Variants in FRYL observed in about 807,000 individuals in gnomAD.
FRYL encodes FRY like transcription coactivator.
A neutral mutation model predicts 351.2 loss-of-function variants in FRYL; 150 were observed. The observed-to-expected ratio is 0.43, with a 90% CI of 0.37 to 0.49. The LOEUF (loss-of-function observed/expected upper bound fraction) is 0.49. Ranked by LOEUF, FRYL falls within the 20% of genes least tolerant of loss-of-function variation. The pLI, the probability that FRYL is intolerant of heterozygous loss-of-function variation, is 0.00. For synonymous variants in FRYL, 1,153 were observed against 1,257.1 expected (o/e 0.92, Z 1.75); for missense variants, 3,036 against 3,619.3 (o/e 0.84, Z 4.13).
intron 53 of FRYL, chr4:48,523,358 G>A (rs1725304366): frequency 2.6e-6 from 1 of 386,394 alleles, no homozygotes; most frequent in Non-Finnish European, 4.7e-6. Context: ...TTGTATTACT[G>A]GGGACCAAGT....
intron 13 of FRYL, among the ~76,000 whole-genome samples, chr4:48,597,000 T>G (rs1335635505): frequency 6.6e-6 from 1 of 152,148 alleles, no homozygotes; most frequent in East Asian, 1.9e-4. Flanking sequence ...TCAGTTACTG[T>G]GCTCATTAGA....
At chr4:48,581,203 G>T (rs1379627575) in intron 21 of FRYL, among the ~76,000 whole-genome samples, 2 of 151,916 alleles carry the variant, frequency 1.3e-5, no homozygotes, top group Non-Finnish European at 2.9e-5. Context: ...ACCACGCCCG[G>T]CTAATTTTTT....
chr4:48,739,882 T>C (rs1408037764), intron 1 of FRYL, among the ~76,000 whole-genome samples: 1 of 152,172 alleles, frequency 6.6e-6, no homozygotes, highest in African/African-American at 2.4e-5. Flanking sequence ...TGGGTTATCA[T>C]GGGAACAGAA....
At chr4:48,586,794 G>A in intron 18 of FRYL, 66 bp from the exon 19 acceptor site, 1 of 1,063,876 alleles carries the variant, frequency 9.4e-7, no homozygotes, top group Non-Finnish European at 1.4e-6. Flanking sequence ...ATCAAACTTG[G>A]AAAAATAACT....
intron 59 of FRYL, chr4:48,505,905 A>G (rs972484613): frequency 1.7e-5 from 5 of 290,356 alleles, no homozygotes; most frequent in Non-Finnish European, 2.6e-5. Context: ...TTCATTTTGC[A>G]GGTTTTATGA....
intron 8 of FRYL, among the ~76,000 whole-genome samples, chr4:48,609,469 A>T (rs1280872146): frequency 6.6e-6 from 1 of 152,126 alleles, no homozygotes; most frequent in Non-Finnish European, 1.5e-5. Context: ...AAAAAATACA[A>T]AAATTAGCTG....
At chr4:48,647,411 T>C (rs1192011623) in intron 3 of FRYL, among the ~76,000 whole-genome samples, 1 of 152,358 alleles carries the variant, frequency 6.6e-6, no homozygotes, top group South Asian at 2.1e-4. Flanking sequence ...CTCAGTCACC[T>C]GGCCCATTTG....
intron 54 of FRYL, among the ~76,000 whole-genome samples, chr4:48,521,767 TTAGCAGCAGCGGTTGGTC>T (rs1401301499): frequency 6.6e-6 from 1 of 152,174 alleles, no homozygotes; most frequent in African/African-American, 2.4e-5. Flanking sequence ...ATGGCTGCCA[TTAGCAGCAGCGGTTGGTC>T]ATTGAACACT....
At chr4:48,506,533 C>CT (rs1720961578) in intron 59 of FRYL, 1 of 148,426 alleles carries the variant, frequency 6.7e-6, no homozygotes, top group Admixed American at 6.7e-5. Context: ...AGGTAAGCTC[C>CT]TAGCTTTGGA....
At chr4:48,655,684 A>G (rs1304842549) in intron 3 of FRYL, among the ~76,000 whole-genome samples, 1 of 147,242 alleles carries the variant, frequency 6.8e-6, no homozygotes, top group Non-Finnish European at 1.5e-5. Flanking sequence ...GTATTATATA[A>G]TGTATATATT....
Position 48,716,754 on chromosome 4 carries a change from T to C in FRYL, c.-383-6056A>G, listed in dbSNP as rs180837822. On this transcript the variant is annotated intron_variant, in intron 1 of 63. Coordinates refer to ENST00000358350, the MANE Select transcript of FRYL (RefSeq NM_015030.2). ...CTAGAACTAGAAATACCATTTGACC[T>C]GGCCATACCATTACTGGGTATATAC... Among the ~76,000 whole-genome samples the C allele has an allele frequency of 1.9e-3, 289 of 151,622 alleles. 13 individuals are homozygous for C. Among genetic ancestry groups the C allele is most frequent in the Non-Finnish European group, 2.8e-3 (192 of 67,800 alleles).
chr4:48,557,178 T>C, intron 34 of FRYL, 60 bp from the exon 35 acceptor site: 2 of 1,524,708 alleles, frequency 1.3e-6, no homozygotes, highest in Non-Finnish European at 1.8e-6. Flanking sequence ...AAAACCAAAC[T>C]TGTCATACCA....
chr4:48,547,650 T>C lies in FRYL; in HGVS notation c.5008A>G (p.Lys1670Glu). The C allele has an allele frequency of 6.2e-7, 1 of 1,608,018 alleles. No homozygotes were observed. The highest frequency in any genetic ancestry group is 8.5e-7 in the Non-Finnish European group (1 of 1,175,762). The change falls in exon 41 of 64, where the codon AAG (lysine) becomes GAG (glutamate). Residue 1670 changes from lysine to glutamate, a missense_variant. Physicochemically the swap from Lys to Glu is moderately conservative, Grantham distance 56. This residue lies in a region of FRYL where 1,987 missense variants were observed against 2,311.7 expected (regional missense o/e 0.86). Transcript: ENST00000358350. ...AGCACCCTGGGCTCATTAAACTCCT[T>C]GTTCCTGAGAAGGACAGAAGCAACA... ...RTVASVLLRN[K>E]EFNEPRVLTV... is the part of the protein sequence containing the mutation.
intron 3 of FRYL, among the ~76,000 whole-genome samples, chr4:48,665,083 A>C (rs1331013748): frequency 6.6e-6 from 1 of 152,238 alleles, no homozygotes; most frequent in Non-Finnish European, 1.5e-5. Flanking sequence ...GTAAGAAAGT[A>C]TTTTAACTAA....
intron 25 of FRYL, chr4:48,574,547 T>C (rs945591435): frequency 2.0e-5 from 3 of 152,226 alleles, no homozygotes; most frequent in African/African-American, 7.2e-5. Flanking sequence ...CCTGGTTGTA[T>C]AGGCTATCTT....
Position 48,717,809 on chromosome 4 carries a change from G to A in FRYL, c.-383-7111C>T, listed in dbSNP as rs563755450. Among the ~76,000 whole-genome samples, 216 of 151,456 alleles carry A rather than the reference G, an allele frequency of 1.4e-3. 5 individuals are homozygous for A. The highest frequency in any genetic ancestry group is 2.8e-3 in the Non-Finnish European group (190 of 67,806). Reference sequence around the variant, plus strand: ...CTCCTCCCTCACATTCCAAAGTACTGGGATTTCAGGCATGAGCTATCACGC... The same window carrying A: ...CTCCTCCCTCACATTCCAAAGTACTAGGATTTCAGGCATGAGCTATCACGC... On this transcript the variant is annotated intron_variant, in intron 1 of 63. Transcript: ENST00000358350.
At chr4:48,690,194 C>T (rs1228852274) in intron 2 of FRYL, among the ~76,000 whole-genome samples, 1 of 151,954 alleles carries the variant, frequency 6.6e-6, no homozygotes, top group Non-Finnish European at 1.5e-5. Context: ...CGTGAGCCAC[C>T]GCGCCCGGCC....
chr4:48,749,463 T>C (rs191050025), intron 1 of FRYL, among the ~76,000 whole-genome samples: 74 of 152,314 alleles, frequency 4.9e-4, no homozygotes, highest in African/African-American at 1.7e-3. Context: ...TATAAATACC[T>C]GTGCTGGCCA....
chr4:48,603,219 C>T lies in FRYL; in HGVS notation c.933+71G>A, dbSNP rs949396034. The stretch of plus-strand genomic sequence containing the variant: ...CAGATTTTACCATTCTCTTAAATTT[C>T]CACTGAATTCATAAATCAATTACTA... On this transcript the variant is annotated intron_variant, in intron 12 of 63. Transcript: ENST00000358350. The T allele has an allele frequency of 5.6e-6, 6 of 1,070,414 alleles. No individual in the cohort carries two copies. In the African/African-American group the frequency reaches 6.4e-5, roughly 11 times the overall value. The allele number at this position is 1,070,414 out of a possible 1,614,324, so 66.3% of individuals were successfully genotyped here.
Sources: allele counts gnomAD v4.1 joint callset (sites outside exome capture counted in the v4.1 genomes callset), GRCh38; gene constraint gnomAD v4.1.1; regional missense constraint gnomAD v4.1.1; transcripts MANE v1.5; gene names NCBI Gene and HGNC (gene_info 2026-07-23, HGNC 2026-07-21).